Variants in SLCO3A1 observed in about 807,000 individuals in gnomAD.
SLCO3A1 encodes the protein PGE1 transporter.
SLCO3A1 carries 27 observed loss-of-function variants against 63.1 expected under a neutral mutation model. That is an observed-to-expected ratio of 0.43 (90% confidence interval 0.32 to 0.59). SLCO3A1 has a LOEUF of 0.59. Among genes scored for constraint, SLCO3A1 ranks in the 20% least tolerant of loss-of-function variants. The pLI is 0.09. For synonymous variants in SLCO3A1, 473 were observed against 409.9 expected (o/e 1.15, Z -1.86); for missense variants, 773 against 945.8 (o/e 0.82, Z 2.40).
In SLCO3A1 at chr15:92,142,675, C is replaced by T. The variant is rs1000236267; in HGVS notation, c.1513-4309C>T. Among the ~76,000 whole-genome samples the T allele has an allele frequency of 6.6e-5, 10 of 152,292 alleles. No homozygotes were observed. In the East Asian group the frequency reaches 7.7e-4, roughly 12 times the overall value. On this transcript the variant is annotated intron_variant, in intron 7 of 9. Coordinates refer to ENST00000318445, the MANE Select transcript of SLCO3A1 (RefSeq NM_013272.4). ...TGGCAGCTTAACCCTGCTGTCTGCT[C>T]GCCTCATTAACATGAACATAGACAA...
At chr15:92,079,363 A>G (rs775348975) in intron 2 of SLCO3A1, among the ~76,000 whole-genome samples, 1 of 152,218 alleles carries the variant, frequency 6.6e-6, no homozygotes, top group African/African-American at 2.4e-5. Context: ...GGCTTCAACA[A>G]CAGACACTCA....
At chr15:92,172,173 G>A (rs1055028637) in exon 11 of SLCO3A1, 10 of 253,346 alleles carry the variant, frequency 3.9e-5, no homozygotes, top group Non-Finnish European at 6.7e-5. Context: ...ATGGCTTGCC[G>A]ACATGCTTTA....
chr15:92,124,061 T>G (rs983974887), intron 5 of SLCO3A1, among the ~76,000 whole-genome samples: 1 of 152,078 alleles, frequency 6.6e-6, no homozygotes, highest in Non-Finnish European at 1.5e-5. Context: ...GGGCTGGCAG[T>G]GGGCGGTTAG....
intron 1 of SLCO3A1, among the ~76,000 whole-genome samples, chr15:91,868,033 T>C (rs1332972429): frequency 6.6e-6 from 1 of 152,188 alleles, no homozygotes; most frequent in Non-Finnish European, 1.5e-5. Flanking sequence ...TAGCTTCAAC[T>C]TCAAGTTCGT....
In SLCO3A1 at chr15:92,165,024, A is replaced by AAAAG. The variant is rs139259402; in HGVS notation, c.*1892_*1895dup. The stretch of plus-strand genomic sequence containing the variant: ...TTTGCATTTTACCCACAAGGCAAAC[A>AAAAG]AAAGAATCAGGAAGTAAAAAATGGT... On this transcript the variant is annotated 3_prime_UTR_variant, in exon 10 of 10. Coordinates refer to ENST00000318445, the MANE Select transcript of SLCO3A1 (RefSeq NM_013272.4). 79,822 of 985,302 alleles carry AAAAG rather than the reference A, an allele frequency of 0.081. 3,549 individuals are homozygous for AAAAG. Among genetic ancestry groups the AAAAG allele is most frequent in the Non-Finnish European group, 0.088 (72,736 of 829,800 alleles). 61.0% of individuals were successfully genotyped at this position (985,302 alleles called of 1,614,324 possible).
At chr15:92,071,391 T>C (rs1243703673) in intron 2 of SLCO3A1, among the ~76,000 whole-genome samples, 4 of 152,122 alleles carry the variant, frequency 2.6e-5, no homozygotes, top group East Asian at 1.9e-4. Flanking sequence ...CACAGGACAG[T>C]GTGGAGGGCT....
chr15:92,004,231 A>G (rs1207429157), intron 2 of SLCO3A1, among the ~76,000 whole-genome samples: 2 of 152,164 alleles, frequency 1.3e-5, no homozygotes, highest in African/African-American at 4.8e-5. Flanking sequence ...ACAGACCTGG[A>G]CAGGTTCTAG....
At position 92,147,165 on chromosome 15, in the gene SLCO3A1, C is replaced by T. The variant is rs372766661; in HGVS notation, c.1688+6C>T. 6.2e-7 allele frequency: 1 copy of T among 1,606,528 alleles called. No individual in the cohort carries two copies. The highest frequency in any genetic ancestry group is 1.3e-5 in the African/African-American group (1 of 74,310). ...TCAGTCATCATCCTCATCAGGTAAGCCCTCGGCACAGCCCCGCCTCTCCTC... is the reference window on the plus strand; with the variant it reads ...TCAGTCATCATCCTCATCAGGTAAGTCCTCGGCACAGCCCCGCCTCTCCTC... On this transcript the variant is annotated splice_donor_region_variant and intron_variant, in intron 8 of 9. Transcript: ENST00000318445.
intron 1 of SLCO3A1, among the ~76,000 whole-genome samples, chr15:91,904,006 C>A (rs1227903589): frequency 1.5e-5 from 2 of 133,572 alleles, no homozygotes; most frequent in East Asian, 2.7e-4. Context: ...GGAGAAAGGT[C>A]TTCAGGAGAT....
chr15:92,137,186 A>G, intron 7 of SLCO3A1, among the ~76,000 whole-genome samples: 1 of 132,344 alleles, frequency 7.6e-6, no homozygotes, highest in Non-Finnish European at 1.6e-5. Context: ...ATGTGATCTC[A>G]TTGTTCAATT....
Position 91,920,006 on chromosome 15 carries a change from C to T in SLCO3A1, c.646+3548C>T, listed in dbSNP as rs377243243. Among the ~76,000 whole-genome samples the T allele has an allele frequency of 4.3e-3, 662 of 152,304 alleles. 1 individual carries two copies. Among genetic ancestry groups the T allele is most frequent in the Middle Eastern group, 0.014 (4 of 294 alleles). On this transcript the variant is annotated intron_variant, in intron 2 of 9. Coordinates refer to ENST00000318445, the MANE Select transcript of SLCO3A1 (RefSeq NM_013272.4). ...TGTAATTTCATTTCTCTTACTATTTCATGAGCATTTGTTTGTTACTATTCT... is the reference window on the plus strand; with the variant it reads ...TGTAATTTCATTTCTCTTACTATTTTATGAGCATTTGTTTGTTACTATTCT...
intron 4 of SLCO3A1, among the ~76,000 whole-genome samples, chr15:92,105,378 T>C (rs1345929582): frequency 6.6e-6 from 1 of 152,160 alleles, no homozygotes; most frequent in Non-Finnish European, 1.5e-5. Flanking sequence ...AAAGAAATAT[T>C]AACCCAGTCT....
chr15:92,164,095 T>TA lies in SLCO3A1; in HGVS notation c.*961dup. 1 of 979,156 alleles carries TA rather than the reference T, an allele frequency of 1.0e-6. No homozygotes were observed. The highest frequency in any genetic ancestry group is 1.2e-6 in the Non-Finnish European group (1 of 824,142). 60.7% of individuals were successfully genotyped at this position (979,156 alleles called of 1,614,324 possible). On this transcript the variant is annotated 3_prime_UTR_variant, in exon 10 of 10. Transcript: ENST00000318445. ...TGTTGTATGTATAATCCTCTAATAC[T>TA]ATTTTTAACTACTTCTAAAATCTGT...
At chr15:91,935,484 C>G (rs1209821908) in intron 2 of SLCO3A1, among the ~76,000 whole-genome samples, 1 of 152,194 alleles carries the variant, frequency 6.6e-6, no homozygotes, top group Non-Finnish European at 1.5e-5. Flanking sequence ...CCATTCAGCA[C>G]TCAGCCCACC....
Position 91,854,990 on chromosome 15 carries a change from G to T in SLCO3A1, c.180+902G>T, listed in dbSNP as rs370070606. 6.6e-6 allele frequency among the ~76,000 whole-genome samples: 1 copy of T among 152,092 alleles called. No homozygotes were observed. The highest frequency in any genetic ancestry group is 2.4e-5 in the African/African-American group (1 of 41,416). On this transcript the variant is annotated intron_variant, in intron 1 of 9. Coordinates refer to ENST00000318445, the MANE Select transcript of SLCO3A1 (RefSeq NM_013272.4). The surrounding 1 kb of genome is among the most constrained non-coding windows in gnomAD (Gnocchi z 6.4). ...GGTCGCAACTTGAGTTCCAGAGAGCGTGCTTCCACACCTAAGTACAGTCCT... is the reference window on the plus strand; with the variant it reads ...GGTCGCAACTTGAGTTCCAGAGAGCTTGCTTCCACACCTAAGTACAGTCCT...
chr15:91,940,257 G>A (rs941283845), intron 2 of SLCO3A1, among the ~76,000 whole-genome samples: 3 of 152,054 alleles, frequency 2.0e-5, no homozygotes, highest in Non-Finnish European at 4.4e-5. Flanking sequence ...GCCTTCCTCG[G>A]GGTCCTGATA....
At chr15:92,157,348 C>G (rs536127515) in intron 9 of SLCO3A1, 11 of 152,294 alleles carry the variant, frequency 7.2e-5, no homozygotes, top group African/African-American at 2.6e-4. Context: ...ACACCACCAT[C>G]ATCAAGCTCC....
intron 2 of SLCO3A1, among the ~76,000 whole-genome samples, chr15:92,044,678 C>G (rs1198904287): frequency 1.3e-5 from 2 of 152,154 alleles, no homozygotes; most frequent in Non-Finnish European, 2.9e-5. Context: ...CGGAATTGCT[C>G]TTCTTAAGTC....
At chr15:91,959,020 A>G (rs550186107) in intron 2 of SLCO3A1, among the ~76,000 whole-genome samples, 1 of 152,328 alleles carries the variant, frequency 6.6e-6, no homozygotes, top group Non-Finnish European at 1.5e-5. Flanking sequence ...GAACCAACCT[A>G]ACTGCCCCTC....
Sources: allele counts gnomAD v4.1 joint callset (sites outside exome capture counted in the v4.1 genomes callset), GRCh38; gene constraint gnomAD v4.1.1; non-coding constraint Gnocchi (gnomAD v3.1); transcripts MANE v1.5; gene names NCBI Gene and HGNC (gene_info 2026-07-23, HGNC 2026-07-21).